Variants in CHLSN observed in about 807,000 individuals in gnomAD.
CHLSN encodes the protein protein cholesin.
chr7:1,021,169 C>T, the CHLSN span, among the ~76,000 whole-genome samples: 3 of 151,884 alleles, frequency 2.0e-5, no homozygotes, highest in Non-Finnish European at 2.9e-5. Flanking sequence ...GGTTGGGGAT[C>T]ACCAGGTTAA....
the CHLSN span, among the ~76,000 whole-genome samples, chr7:993,449 C>T: frequency 3.9e-5 from 6 of 152,260 alleles, no homozygotes; most frequent in Admixed American, 6.5e-5. Context: ...CGGACAGCGC[C>T]GGCCCGGGCT....
At chr7:1,058,404 C>T in the CHLSN span, 3 of 780,720 alleles carry the variant, frequency 3.8e-6, no homozygotes, top group East Asian at 2.4e-5. Context: ...ACTTCTCTAC[C>T]GCTACATGAA....
At chr7:986,675 G>A in the CHLSN span, 112 of 1,612,654 alleles carry the variant, frequency 6.9e-5, no homozygotes, top group African/African-American at 1.0e-3. Context: ...GCACCGGCCC[G>A]TCCTGCGCAA....
chr7:1,055,527 G>A, the CHLSN span: 1 of 448,348 alleles, frequency 2.2e-6, no homozygotes, highest in Non-Finnish European at 4.5e-6. Flanking sequence ...GGACGTGGGG[G>A]GCTCTGTGCA....
the CHLSN span, chr7:1,025,008 G>C: frequency 6.6e-6 from 1 of 152,324 alleles, no homozygotes; most frequent in Non-Finnish European, 1.5e-5. Flanking sequence ...TGTCACAAGG[G>C]AAGGCGTGGA....
the CHLSN span, among the ~76,000 whole-genome samples, chr7:1,131,015 C>A: frequency 6.6e-6 from 1 of 151,994 alleles, no homozygotes; most frequent in Non-Finnish European, 1.5e-5. Flanking sequence ...TAGCGAGGCT[C>A]CACGTCTACA....
the CHLSN span, among the ~76,000 whole-genome samples, chr7:1,042,522 G>T: frequency 6.6e-6 from 1 of 152,180 alleles, no homozygotes; most frequent in Non-Finnish European, 1.5e-5. Flanking sequence ...ACTTATTGTG[G>T]TTCAGGTGGA....
At chr7:1,136,528 A>G in the CHLSN span, among the ~76,000 whole-genome samples, 3 of 134,102 alleles carry the variant, frequency 2.2e-5, no homozygotes, top group Non-Finnish European at 4.7e-5. Flanking sequence ...AAATATATAT[A>G]AACATATATA....
At chr7:1,125,297 G>A in the CHLSN span, among the ~76,000 whole-genome samples, 1 of 152,198 alleles carries the variant, frequency 6.6e-6, no homozygotes. Context: ...AAGGGCCCAC[G>A]TGGGCTCCCC....
chr7:1,054,394 A>T, the CHLSN span, among the ~76,000 whole-genome samples: 1 of 152,230 alleles, frequency 6.6e-6, no homozygotes, highest in Non-Finnish European at 1.5e-5. Context: ...GCTGCCAGTA[A>T]ACAAAAATGC....
chr7:1,014,801 G>A, the CHLSN span, among the ~76,000 whole-genome samples: 1 of 151,278 alleles, frequency 6.6e-6, no homozygotes, highest in Non-Finnish European at 1.5e-5. Context: ...GGCCACGGCA[G>A]CGATCCGGCC....
At chr7:1,058,389 A>G in the CHLSN span, 6 of 780,658 alleles carry the variant, frequency 7.7e-6, no homozygotes, top group South Asian at 8.0e-5. Flanking sequence ...CAGCTTTGTG[A>G]CACCACTTCT....
At chr7:1,038,154 T>TTG in the CHLSN span, among the ~76,000 whole-genome samples, 1 of 73,474 alleles carries the variant, frequency 1.4e-5, no homozygotes, top group African/African-American at 5.2e-5. Flanking sequence ...GGGAGGGAGG[T>TTG]GGGGGGGGGT....
At chr7:1,078,054 T>C in the CHLSN span, 1 of 152,072 alleles carries the variant, frequency 6.6e-6, no homozygotes, top group Non-Finnish European at 1.5e-5. Context: ...TAAAAGAAAA[T>C]ACGGTGTATT....
the CHLSN span, among the ~76,000 whole-genome samples, chr7:1,044,295 T>G: frequency 6.6e-6 from 1 of 152,298 alleles, no homozygotes; most frequent in East Asian, 1.9e-4. Flanking sequence ...CTAAGAGAAT[T>G]CTCAAAAACT....
chr7:1,078,283 C>A, the CHLSN span, among the ~76,000 whole-genome samples: 1 of 151,950 alleles, frequency 6.6e-6, no homozygotes, highest in African/African-American at 2.4e-5. Context: ...GTGGGCACGC[C>A]TGGAGAGCGT....
the CHLSN span, among the ~76,000 whole-genome samples, chr7:1,114,192 G>A: frequency 6.6e-6 from 1 of 152,212 alleles, no homozygotes; most frequent in African/African-American, 2.4e-5. Flanking sequence ...GCGGCCACTG[G>A]CCCATACAAG....
the CHLSN span, chr7:983,218 C>T: frequency 2.0e-6 from 3 of 1,515,000 alleles, 1 homozygote; most frequent in South Asian, 3.7e-5. Context: ...CCTCATGGCC[C>T]TGCTGCTCTT....
the CHLSN span, chr7:987,490 A>C: frequency 6.5e-7 from 1 of 1,546,422 alleles, no homozygotes; most frequent in Middle Eastern, 1.7e-4. Context: ...GCCCCGCTGC[A>C]CCGCGGCCGA....
Sources: gnomAD v4.1 joint callset for allele counts (sites outside exome capture counted in the v4.1 genomes callset) on GRCh38, gnomAD v4.1.1 for gene constraint, MANE v1.5 for transcripts, NCBI Gene and HGNC (gene_info 2026-07-23, HGNC 2026-07-21) for gene names.